Variants in IL1RAPL1 observed in about 807,000 individuals in gnomAD.
The protein encoded by IL1RAPL1 is interleukin 1 receptor accessory protein like 1.
In IL1RAPL1, 3 loss-of-function variants were observed where a neutral mutation model predicts 48.4. The ratio of observed to expected loss-of-function variants is 0.06; its 90% CI spans 0.03 to 0.16. The LOEUF (loss-of-function observed/expected upper bound fraction) is 0.16. Among genes scored for constraint, IL1RAPL1 ranks in the 10% least tolerant of loss-of-function variants. The probability of loss-of-function intolerance (pLI) is 1.00; values close to 1 mark genes in which losing one functional copy is unlikely to be tolerated. For missense variants in IL1RAPL1, 349 were observed against 530.6 expected (o/e 0.66, Z 3.36); for synonymous variants, 185 against 187.7 (o/e 0.99, Z 0.12).
intron 2 of IL1RAPL1, among the ~76,000 whole-genome samples, chrX:29,110,373 T>C (rs1928538035): frequency 8.9e-6 from 1 of 112,076 alleles, no homozygotes; most frequent in Admixed American, 9.5e-5. Context: ...GTCTGGAATT[T>C]AACGATTTTA....
intron 5 of IL1RAPL1, among the ~76,000 whole-genome samples, chrX:29,528,634 C>T (rs984370484): frequency 3.6e-5 from 4 of 112,423 alleles, no homozygotes; most frequent in Non-Finnish European, 5.6e-5. Context: ...AACTCTCTCA[C>T]ACTTACAATG....
At chrX:29,227,966 A>G (rs1931112716) in intron 2 of IL1RAPL1, among the ~76,000 whole-genome samples, 1 of 111,159 alleles carries the variant, frequency 9.0e-6, no homozygotes, top group African/African-American at 3.3e-5. Context: ...TCTGACTCCA[A>G]ACTCTTCACT....
At chrX:28,992,502 GAA>G (rs60650174) in intron 2 of IL1RAPL1, among the ~76,000 whole-genome samples, 1 of 49,609 alleles carries the variant, frequency 2.0e-5, no homozygotes, top group Admixed American at 2.7e-4. Context: ...AAAAAAAAAA[GAA>G]AAAAAAAAAA....
intron 5 of IL1RAPL1, among the ~76,000 whole-genome samples, chrX:29,522,627 A>G (rs1935514027): frequency 8.9e-6 from 1 of 112,210 alleles, no homozygotes; most frequent in Admixed American, 9.5e-5. Flanking sequence ...ATTGCCCAGC[A>G]AAGTTAATCA....
chrX:29,263,867 C>CT (rs1569272706), intron 2 of IL1RAPL1, among the ~76,000 whole-genome samples: 2 of 99,690 alleles, frequency 2.0e-5, no homozygotes, highest in African/African-American at 7.4e-5. Flanking sequence ...CTCTCCCCCC[C>CT]CCCCGCTCTC....
chrX:28,848,363 T>A (rs2147295489), intron 2 of IL1RAPL1, among the ~76,000 whole-genome samples: 1 of 110,652 alleles, frequency 9.0e-6, no homozygotes, highest in South Asian at 3.8e-4. Context: ...AAAAATTAAG[T>A]CCCCTGCTTA....
At chrX:28,640,448 C>A (rs761617167) in intron 1 of IL1RAPL1, among the ~76,000 whole-genome samples, 1 of 110,097 alleles carries the variant, frequency 9.1e-6, no homozygotes. Flanking sequence ...CAGGTTCATG[C>A]GATCTTCCTG....
chrX:29,570,935 T>G (rs1199053611), intron 5 of IL1RAPL1, among the ~76,000 whole-genome samples: 2 of 112,610 alleles, frequency 1.8e-5, no homozygotes, highest in Non-Finnish European at 3.8e-5. Flanking sequence ...TAAAATAATT[T>G]GTCTAGCCAG....
intron 1 of IL1RAPL1, among the ~76,000 whole-genome samples, chrX:28,625,897 A>G (rs1934336712): frequency 8.9e-6 from 1 of 112,093 alleles, no homozygotes. Flanking sequence ...GGTTATAACT[A>G]TATTGGATAG....
intron 2 of IL1RAPL1, among the ~76,000 whole-genome samples, chrX:28,927,213 C>A (rs1923766867): frequency 9.0e-6 from 1 of 111,614 alleles, no homozygotes; most frequent in Admixed American, 9.5e-5. Context: ...CACTCTTGGC[C>A]TGCCTTTCAG....
At chrX:28,780,363 G>GTGTGTGTGTCTGTC (rs56989010) in intron 1 of IL1RAPL1, among the ~76,000 whole-genome samples, 315 of 91,434 alleles carry the variant, frequency 3.4e-3, no homozygotes, top group East Asian at 0.024. Context: ...GTGTGTGTGT[G>GTGTGTGTGTCTGTC]TGTCTGTCTG....
Position 28,784,102 on chromosome X carries a change from G to C in IL1RAPL1, c.-24-5218G>C, listed in dbSNP as rs771303045. Among the ~76,000 whole-genome samples the C allele has an allele frequency of 5.4e-5, 6 of 112,090 alleles. No homozygotes were observed. In the South Asian group the frequency reaches 2.2e-3, roughly 41 times the overall value. On this transcript the variant is annotated intron_variant, in intron 1 of 10. Transcript: ENST00000378993. The stretch of plus-strand genomic sequence containing the variant: ...GCCAAAGCTTATGATTTAGACACAA[G>C]TTTCCCTGTGACTAATTGTAAATAT...
At chrX:29,949,373 A>T (rs1933273319) in intron 9 of IL1RAPL1, among the ~76,000 whole-genome samples, 1 of 112,286 alleles carries the variant, frequency 8.9e-6, no homozygotes, top group South Asian at 3.6e-4. Context: ...ACTTCAAGTA[A>T]CCAAACAACT....
At chrX:28,879,165 TCAGA>T (rs768292375) in intron 2 of IL1RAPL1, among the ~76,000 whole-genome samples, 257 of 111,859 alleles carry the variant, frequency 2.3e-3, no homozygotes, top group African/African-American at 7.5e-3. Context: ...TGAGTTCCAT[TCAGA>T]CAGTTTGACA....
intron 3 of IL1RAPL1, among the ~76,000 whole-genome samples, chrX:29,310,125 A>C (rs1569282284): frequency 3.4e-5 from 3 of 88,686 alleles, no homozygotes; most frequent in Non-Finnish European, 6.4e-5. Flanking sequence ...AAAAAAAAAA[A>C]AAAAGAAAGG....
intron 6 of IL1RAPL1, among the ~76,000 whole-genome samples, chrX:29,670,234 C>T (rs1926106455): frequency 9.0e-6 from 1 of 111,416 alleles, no homozygotes; most frequent in African/African-American, 3.3e-5. Context: ...TAAAGCTTTA[C>T]CTTCTCTTGA....
intron 5 of IL1RAPL1, among the ~76,000 whole-genome samples, chrX:29,476,338 A>G (rs913224245): frequency 8.9e-6 from 1 of 112,110 alleles, no homozygotes; most frequent in African/African-American, 3.2e-5. Flanking sequence ...GTGAGGCTAA[A>G]AGTATTTTGT....
At chrX:29,949,268 A>C (rs1352728775) in intron 9 of IL1RAPL1, among the ~76,000 whole-genome samples, 1 of 111,943 alleles carries the variant, frequency 8.9e-6, no homozygotes. Context: ...ACAGAGTCCA[A>C]ACTTCCTTCT....
chrX:29,139,129 T>G (rs1407590907), intron 2 of IL1RAPL1, among the ~76,000 whole-genome samples: 1 of 111,642 alleles, frequency 9.0e-6, no homozygotes, highest in African/African-American at 3.3e-5. Flanking sequence ...ATTTCCATGG[T>G]CACTCATTTC....
Sources: allele counts gnomAD v4.1 joint callset (sites outside exome capture counted in the v4.1 genomes callset), GRCh38; gene constraint gnomAD v4.1.1; transcripts MANE v1.5; gene names NCBI Gene and HGNC (gene_info 2026-07-23, HGNC 2026-07-21).